HMGA2: variants seen among roughly 807,000 people sequenced by gnomAD.
The protein encoded by HMGA2 is high mobility group protein HMGI-C.
A neutral mutation model predicts 19.1 loss-of-function variants in HMGA2; 8 were observed. The observed-to-expected ratio is 0.42, with a 90% CI of 0.25 to 0.76. HMGA2 has a LOEUF of 0.76. HMGA2 is among the 30% of genes least tolerant of loss of function. HMGA2 has a pLI of 0.28. For missense variants in HMGA2, 109 were observed against 136.3 expected (o/e 0.80, Z 1.00); for synonymous variants, 60 against 48.8 (o/e 1.23, Z -0.96).
intron 1 of HMGA2, among the ~76,000 whole-genome samples, chr12:65,827,274 A>G (rs1870254470): frequency 6.6e-6 from 1 of 152,328 alleles, no homozygotes; most frequent in Admixed American, 6.5e-5. Context: ...GAAAGTTTTG[A>G]AGAAAATATG....
At chr12:65,877,659 C>A (rs573972911) in intron 3 of HMGA2, among the ~76,000 whole-genome samples, 2 of 152,194 alleles carry the variant, frequency 1.3e-5, no homozygotes, top group African/African-American at 4.8e-5. Flanking sequence ...CAGAGGCTAG[C>A]ATTTGAGCCC....
chr12:65,909,831 C>A (rs1874766137), intron 3 of HMGA2, among the ~76,000 whole-genome samples: 1 of 152,170 alleles, frequency 6.6e-6, no homozygotes, highest in African/African-American at 2.4e-5. Flanking sequence ...ACATTTTAAG[C>A]CTGTAGGAGT....
At chr12:65,855,741 T>C (rs183600490) in intron 3 of HMGA2, among the ~76,000 whole-genome samples, 317 of 152,280 alleles carry the variant, frequency 2.1e-3, no homozygotes, top group Middle Eastern at 0.01. Flanking sequence ...ATGATGATAA[T>C]GATTGATCAT....
chr12:65,842,324 C>A, intron 3 of HMGA2: 1 of 618,290 alleles, frequency 1.6e-6, no homozygotes, highest in Non-Finnish European at 2.9e-6. Flanking sequence ...AAGAGCATGG[C>A]ACATAGGTAG....
chr12:65,938,787 C>A (rs920712931), intron 3 of HMGA2, among the ~76,000 whole-genome samples: 1 of 152,062 alleles, frequency 6.6e-6, no homozygotes, highest in African/African-American at 2.4e-5. Flanking sequence ...GTAGTTGAGA[C>A]TACTACTATC....
At position 65,838,986 on chromosome 12, in the gene HMGA2, C is replaced by T. The variant is rs796630566; in HGVS notation, c.249+417C>T. ...ACGTTTTTCTTTTTTCTTTTTCTTT[C>T]TTTTTCTTTTTCTTTTTTTTTTTTG... On this transcript the variant is annotated intron_variant, in intron 3 of 4. Transcript: ENST00000403681. 1.7e-3 allele frequency among the ~76,000 whole-genome samples: 156 copies of T among 91,186 alleles called. 1 individual carries two copies. Among genetic ancestry groups the T allele is most frequent in the African/African-American group, 0.014 (136 of 9,570 alleles). 59.8% of individuals were successfully genotyped at this position (91,186 alleles called of 152,430 possible).
intron 3 of HMGA2, among the ~76,000 whole-genome samples, chr12:65,936,304 A>G (rs1875893220): frequency 6.6e-6 from 1 of 151,912 alleles, no homozygotes; most frequent in Admixed American, 6.6e-5. Context: ...GAGCTGAATG[A>G]AGGAAATCAG....
chr12:65,890,422 A>G (rs1355465730), intron 3 of HMGA2, among the ~76,000 whole-genome samples: 1 of 152,214 alleles, frequency 6.6e-6, no homozygotes, highest in Non-Finnish European at 1.5e-5. Context: ...ATTCATTAAT[A>G]TATTCTTGTG....
intron 3 of HMGA2, among the ~76,000 whole-genome samples, chr12:65,921,891 T>C (rs1300342714): frequency 6.6e-6 from 1 of 152,240 alleles, no homozygotes; most frequent in Non-Finnish European, 1.5e-5. Context: ...GGAACCAACG[T>C]ACAGCTTGGG....
chr12:65,938,605 T>C (rs756988764), intron 3 of HMGA2, among the ~76,000 whole-genome samples: 12 of 152,162 alleles, frequency 7.9e-5, no homozygotes, highest in Non-Finnish European at 1.5e-4. Flanking sequence ...GAGAAAAGAA[T>C]TGTAGGTGTG....
intron 2 of HMGA2, chr12:65,831,072 C>G (rs575835794): frequency 3.3e-5 from 5 of 151,792 alleles, no homozygotes; most frequent in African/African-American, 1.2e-4. Flanking sequence ...TTCATTTGTC[C>G]ATGTGTGTAT....
intron 3 of HMGA2, chr12:65,881,758 A>C (rs1183828813): frequency 1.4e-6 from 1 of 703,066 alleles, no homozygotes; most frequent in East Asian, 2.7e-5. Flanking sequence ...GCTAATGAAG[A>C]GCCCGTGCTG....
At chr12:65,846,663 T>C (rs1871246992) in intron 3 of HMGA2, among the ~76,000 whole-genome samples, 2 of 152,236 alleles carry the variant, frequency 1.3e-5, no homozygotes, top group Non-Finnish European at 2.9e-5. Flanking sequence ...TGGTTGCTTG[T>C]CTCTTTCTTG....
At chr12:65,893,015 G>A (rs1324785147) in intron 3 of HMGA2, among the ~76,000 whole-genome samples, 1 of 152,140 alleles carries the variant, frequency 6.6e-6, no homozygotes, top group Non-Finnish European at 1.5e-5. Flanking sequence ...GGCAGTGTAT[G>A]GAAGTCCCTC....
At chr12:65,850,377 A>G (rs1871408876) in intron 3 of HMGA2, among the ~76,000 whole-genome samples, 1 of 152,052 alleles carries the variant, frequency 6.6e-6, no homozygotes, top group African/African-American at 2.4e-5. Context: ...CACTAAACTC[A>G]CTTGTACTGC....
In HMGA2 at chr12:65,963,384, G is replaced by A. The variant is rs1358110468; in HGVS notation, c.*92G>A. The A allele has an allele frequency of 2.0e-6, 1 of 509,164 alleles. No individual in the cohort carries two copies. Among genetic ancestry groups the A allele is most frequent in the Non-Finnish European group, 3.2e-6 (1 of 314,906 alleles). 31.5% of individuals were successfully genotyped at this position (509,164 alleles called of 1,614,324 possible). Reference sequence around the variant, plus strand: ...TGACCACTTATTCTGTATTGCCATGGTCTTTCCACTTTCATCTGGGGTGGG... The same window carrying A: ...TGACCACTTATTCTGTATTGCCATGATCTTTCCACTTTCATCTGGGGTGGG... On this transcript the variant is annotated 3_prime_UTR_variant, in exon 5 of 5. Transcript: ENST00000403681.
chr12:65,939,599 C>T (rs565984009), intron 3 of HMGA2, among the ~76,000 whole-genome samples: 1 of 152,190 alleles, frequency 6.6e-6, no homozygotes, highest in South Asian at 2.1e-4. Context: ...CAGGTGATCC[C>T]CCTGCCTTGG....
At chr12:65,913,926 G>A (rs1054189577) in intron 3 of HMGA2, among the ~76,000 whole-genome samples, 5 of 152,196 alleles carry the variant, frequency 3.3e-5, no homozygotes, top group Non-Finnish European at 5.9e-5. Flanking sequence ...GGAGCCTAGG[G>A]TTGAACACAA....
intron 3 of HMGA2, among the ~76,000 whole-genome samples, chr12:65,886,471 T>C (rs187329939): frequency 1.4e-3 from 209 of 152,064 alleles, no homozygotes; most frequent in Middle Eastern, 0.01. Flanking sequence ...GCGATTCTCC[T>C]GCCTCAGCCT....
Sources: allele counts gnomAD v4.1 joint callset (sites outside exome capture counted in the v4.1 genomes callset), GRCh38; gene constraint gnomAD v4.1.1; transcripts MANE v1.5; gene names NCBI Gene and HGNC (gene_info 2026-07-23, HGNC 2026-07-21).